The following GPM6A variants were observed in gnomAD, a reference collection of about 807,000 sequenced individuals.
GPM6A encodes glycoprotein M6A, also known as neuronal membrane glycoprotein M6-a.
In GPM6A, 7 loss-of-function variants were observed where a neutral mutation model predicts 32.1. The ratio of observed to expected loss-of-function variants is 0.22; its 90% CI spans 0.12 to 0.41. The LOEUF (loss-of-function observed/expected upper bound fraction) is 0.41, where lower values mean the gene tolerates loss of function less well. Among genes scored for constraint, GPM6A ranks in the 10% least tolerant of loss-of-function variants. The pLI, the probability that GPM6A is intolerant of heterozygous loss-of-function variation, is 1.00. For missense variants in GPM6A, 235 were observed against 347.2 expected (o/e 0.68, Z 2.57); for synonymous variants, 130 against 123.4 (o/e 1.05, Z -0.35).
chr4:175,991,231 A>AT (rs1554007435), intron 1 of GPM6A, among the ~76,000 whole-genome samples: 31,003 of 118,862 alleles, frequency 0.26, 3,567 homozygotes, highest in African/African-American at 0.28. Context: ...ACTCCCAGCT[A>AT]TTTTTTTTTT....
chr4:175,963,481 C>T (rs1247155486), intron 1 of GPM6A, among the ~76,000 whole-genome samples: 1 of 151,942 alleles, frequency 6.6e-6, no homozygotes, highest in Non-Finnish European at 1.5e-5. Flanking sequence ...TACAACCATG[C>T]AAGCAAAATA....
intron 1 of GPM6A, among the ~76,000 whole-genome samples, chr4:175,822,823 C>A (rs1404737691): frequency 6.6e-6 from 1 of 152,148 alleles, no homozygotes; most frequent in East Asian, 1.9e-4. Flanking sequence ...TGTTCTCCCT[C>A]CCCTTGCCCC....
intron 1 of GPM6A, among the ~76,000 whole-genome samples, chr4:175,857,449 T>G (rs1736449872): frequency 1.3e-5 from 2 of 152,074 alleles, no homozygotes; most frequent in Non-Finnish European, 1.5e-5. Flanking sequence ...AACAAAGTAG[T>G]TATAGCTAAC....
At chr4:175,960,650 A>G (rs1740135971) in intron 1 of GPM6A, 1 of 152,120 alleles carries the variant, frequency 6.6e-6, no homozygotes, top group Non-Finnish European at 1.5e-5. Flanking sequence ...GTTCAGCTAA[A>G]TCTGTTTTAA....
chr4:175,958,119 C>G (rs906768023), intron 1 of GPM6A, among the ~76,000 whole-genome samples: 1 of 152,192 alleles, frequency 6.6e-6, no homozygotes, highest in African/African-American at 2.4e-5. Flanking sequence ...TCTCGAACTC[C>G]TTACTTCAAG....
intron 1 of GPM6A, chr4:175,795,877 G>T (rs1015949734): frequency 1.3e-5 from 2 of 152,276 alleles, no homozygotes; most frequent in African/African-American, 4.8e-5. Context: ...GCATGAGGCA[G>T]CCCTGTGGAG....
At chr4:175,801,473 A>G (rs1734469494) in intron 1 of GPM6A, among the ~76,000 whole-genome samples, 1 of 152,090 alleles carries the variant, frequency 6.6e-6, no homozygotes, top group African/African-American at 2.4e-5. Context: ...TAAGTAATAG[A>G]CCACTCAGTA....
Position 175,941,045 on chromosome 4 carries a change from G to C in GPM6A, c.-23+61264C>G, listed in dbSNP as rs146817214. On this transcript the variant is annotated intron_variant, in intron 1 of 7. Coordinates refer to the GPM6A transcript ENST00000280187. ...TTACTAGTGTCCCTGGCGTACAGGA[G>C]CTTAACAAACATTAAGAAATACTGT... Among the ~76,000 whole-genome samples, 473 of 152,314 alleles carry C rather than the reference G, an allele frequency of 3.1e-3. 2 individuals carry two copies. The highest frequency in any genetic ancestry group is 0.011 in the African/African-American group (452 of 41,570).
intron 1 of GPM6A, among the ~76,000 whole-genome samples, chr4:175,874,646 A>C (rs1012233709): frequency 6.6e-6 from 1 of 152,192 alleles, no homozygotes; most frequent in Non-Finnish European, 1.5e-5. Flanking sequence ...TGAGAAGGCG[A>C]ATAGCTTAAA....
intron 1 of GPM6A, among the ~76,000 whole-genome samples, chr4:175,945,774 CA>C (rs1561005919): frequency 3.0e-4 from 45 of 150,262 alleles, no homozygotes; most frequent in Non-Finnish European, 4.4e-4. Flanking sequence ...GTGCATATTA[CA>C]TACAACTCAG....
intron 1 of GPM6A, among the ~76,000 whole-genome samples, chr4:175,705,987 G>A (rs1560886791): frequency 6.6e-6 from 1 of 152,024 alleles, no homozygotes; most frequent in Non-Finnish European, 1.5e-5. Flanking sequence ...TATACACAAA[G>A]AGGTATTTCT....
intron 1 of GPM6A, among the ~76,000 whole-genome samples, chr4:175,747,797 C>T (rs1732167841): frequency 7.0e-6 from 1 of 143,526 alleles, no homozygotes; most frequent in Non-Finnish European, 1.6e-5. Flanking sequence ...GTGAAGTTTG[C>T]CACATTGATT....
chr4:175,669,323 T>C (rs756874738), intron 3 of GPM6A, among the ~76,000 whole-genome samples: 6 of 152,180 alleles, frequency 3.9e-5, no homozygotes, highest in Non-Finnish European at 7.4e-5. Context: ...ATAAGACAGA[T>C]GTTTTAAACT....
At chr4:175,659,600 C>G (rs13130095) in intron 3 of GPM6A, among the ~76,000 whole-genome samples, 3 of 152,214 alleles carry the variant, frequency 2.0e-5, no homozygotes, top group East Asian at 3.9e-4. Context: ...GTCTAAAGCC[C>G]CAAAATGATA....
intron 1 of GPM6A, among the ~76,000 whole-genome samples, chr4:175,751,717 G>C (rs762614128): frequency 7.6e-4 from 115 of 151,304 alleles, no homozygotes; most frequent in Non-Finnish European, 9.9e-4. Context: ...AGTTGATAGA[G>C]AATGACCCGG....
chr4:175,841,463 A>T (rs1440065104), intron 1 of GPM6A, among the ~76,000 whole-genome samples: 1 of 152,168 alleles, frequency 6.6e-6, no homozygotes, highest in Non-Finnish European at 1.5e-5. Context: ...GGTAAAATAA[A>T]GATTAGTGTT....
intron 1 of GPM6A, among the ~76,000 whole-genome samples, chr4:175,703,038 A>G (rs1482078694): frequency 6.6e-6 from 1 of 152,234 alleles, no homozygotes; most frequent in Non-Finnish European, 1.5e-5. Context: ...GTCTTTAAAA[A>G]TGTGACAATA....
rs1579574347 is a variant in GPM6A at position 175,860,544 on chromosome 4, A to C, written c.-22-48295T>G. 2.6e-5 allele frequency among the ~76,000 whole-genome samples: 4 copies of C among 152,330 alleles called. No individual in the cohort carries two copies. The East Asian group carries it at 7.7e-4, about 29-fold the overall frequency. On this transcript the variant is annotated intron_variant, in intron 1 of 7. Coordinates refer to the GPM6A transcript ENST00000280187. ...GCACTATATTTGTTAGAGAAATTGA[A>C]TCCATAATTTAAAATATTCCAAAAG...
chr4:175,694,624 A>C (rs1744476909), intron 2 of GPM6A, among the ~76,000 whole-genome samples: 1 of 152,188 alleles, frequency 6.6e-6, no homozygotes, highest in African/African-American at 2.4e-5. Context: ...TCACAACCAA[A>C]GAAAGGACAT....
Sources: allele counts gnomAD v4.1 joint callset (sites outside exome capture counted in the v4.1 genomes callset), GRCh38; gene constraint gnomAD v4.1.1; transcripts MANE v1.5; gene names NCBI Gene and HGNC (gene_info 2026-07-23, HGNC 2026-07-21).